The following PRR5 variants were observed in gnomAD, a reference collection of about 807,000 sequenced individuals.
The protein encoded by PRR5 is proline rich 5.
In PRR5, 25 loss-of-function variants were observed where a neutral mutation model predicts 30.6. That is an observed-to-expected ratio of 0.82 (90% CI 0.60 to 1.14). PRR5 has a LOEUF of 1.14. Among genes scored for constraint, PRR5 ranks in the 50% most tolerant of loss-of-function variants. The pLI, the probability that PRR5 is intolerant of heterozygous loss-of-function variation, is 0.00. For missense variants in PRR5, 600 were observed against 547.1 expected (o/e 1.10, Z -0.96); for synonymous variants, 286 against 247.1 (o/e 1.16, Z -1.48).
chr22:44,736,091 C>T (rs1185625026), intron 7 of PRR5, among the ~76,000 whole-genome samples: 2 of 152,228 alleles, frequency 1.3e-5, no homozygotes, highest in African/African-American at 4.8e-5. Flanking sequence ...CCCAACCAGC[C>T]TTGGCCACCT....
chr22:44,674,771 C>T (rs1359409503), upstream of PRR5, among the ~76,000 whole-genome samples: 1 of 151,714 alleles, frequency 6.6e-6, no homozygotes, highest in East Asian at 1.9e-4. Context: ...ATGGTGAAAC[C>T]TAGTCTCTAC....
intron 1 of PRR5, among the ~76,000 whole-genome samples, chr22:44,704,538 C>T (rs907158242): frequency 2.0e-5 from 3 of 152,020 alleles, no homozygotes; most frequent in African/African-American, 2.4e-5. Context: ...CCCCTCCCCG[C>T]GGCACCTGCA....
intron 1 of PRR5, among the ~76,000 whole-genome samples, chr22:44,709,441 C>T (rs1927798174): frequency 6.6e-6 from 1 of 152,070 alleles, no homozygotes; most frequent in Non-Finnish European, 1.5e-5. Context: ...GGCCCCAAGC[C>T]AAAGAATGTG....
intron 4 of PRR5, chr22:44,730,230 G>A (rs911536406): frequency 1.0e-6 from 1 of 985,216 alleles, no homozygotes; most frequent in African/African-American, 1.7e-5. Context: ...CATTCCCATG[G>A]AAACCTCAAA....
chr22:44,736,751 A>G (rs1161413008), intron 7 of PRR5, 21 bp from the exon 8 acceptor site: 6 of 1,528,500 alleles, frequency 3.9e-6, no homozygotes, highest in Middle Eastern at 2.5e-4. Flanking sequence ...CTGGTGTGAC[A>G]GTGCCCGTGT....
At chr22:44,734,931 G>GACACACA in intron 6 of PRR5, 96 bp from the exon 7 acceptor site, 1 of 1,447,830 alleles carries the variant, frequency 6.9e-7, no homozygotes, top group East Asian at 2.3e-5. Context: ...GGGAGGCAGA[G>GACACACA]GACAGGCTGT....
In PRR5 at chr22:44,726,652, G is replaced by A. The variant is rs774617879; in HGVS notation, c.322+18G>A. On this transcript the variant is annotated intron_variant, in intron 4 of 7. Coordinates refer to ENST00000336985, the MANE Select transcript of PRR5 (RefSeq NM_181333.4). The stretch of plus-strand genomic sequence containing the variant: ...CTATGAGGGTGAGTGTGGGCCCCTT[G>A]GCGGCCACTCTGGGCCATGCTGGGT... The A allele has an allele frequency of 1.2e-6, 2 of 1,613,844 alleles. No individual in the cohort carries two copies. The highest frequency in any genetic ancestry group is 1.7e-5 in the Admixed American group (1 of 60,008).
In PRR5 at chr22:44,730,339, C is replaced by G. The variant is rs1921719780; in HGVS notation, c.323-1391C>G. 5.1e-6 allele frequency: 5 copies of G among 985,188 alleles called. No individual in the cohort carries two copies. The African/African-American group carries it at 8.7e-5, about 17-fold the overall frequency. 61.0% of individuals were successfully genotyped at this position (985,188 alleles called of 1,614,324 possible). A position where few individuals can be genotyped will look rare whatever the true frequency, so the allele number is the denominator to read the frequency against. On this transcript the variant is annotated intron_variant, in intron 4 of 7. Transcript: ENST00000336985. ...AAGATCTCTCTCGCCAGTTGTTCGTCTGGCTTCCAGGGGACAGCAGAGGCC... is the reference window on the plus strand; with the variant it reads ...AAGATCTCTCTCGCCAGTTGTTCGTGTGGCTTCCAGGGGACAGCAGAGGCC...
chr22:44,697,554 G>A (rs1569076150), upstream of PRR5, among the ~76,000 whole-genome samples: 1 of 152,340 alleles, frequency 6.6e-6, no homozygotes, highest in East Asian at 1.9e-4. Flanking sequence ...AGGCACTTTT[G>A]GGTCGGCTTT....
intron 2 of PRR5, among the ~76,000 whole-genome samples, chr22:44,719,833 G>A (rs1320610316): frequency 3.9e-5 from 6 of 152,204 alleles, no homozygotes; most frequent in African/African-American, 1.2e-4. Flanking sequence ...CCCAACTCCA[G>A]CACCAAGTCC....
At chr22:44,736,135 G>T (rs1450553922) in intron 7 of PRR5, among the ~76,000 whole-genome samples, 1 of 152,180 alleles carries the variant, frequency 6.6e-6, no homozygotes. Flanking sequence ...GAACCAAGGG[G>T]CCTCCTCCCT....
chr22:44,735,906 A>T (rs768505855), intron 7 of PRR5, among the ~76,000 whole-genome samples: 1 of 152,114 alleles, frequency 6.6e-6, no homozygotes, highest in Non-Finnish European at 1.5e-5. Flanking sequence ...CTGCTGGAGA[A>T]CTTTGAGCCA....
intron 7 of PRR5, among the ~76,000 whole-genome samples, chr22:44,736,270 C>T (rs1236426287): frequency 1.3e-5 from 2 of 152,236 alleles, no homozygotes; most frequent in East Asian, 3.9e-4. Flanking sequence ...CCGCCTTGAC[C>T]TTACATGGAG....
chr22:44,703,263 G>A (rs1172144405), intron 1 of PRR5, among the ~76,000 whole-genome samples: 1 of 151,326 alleles, frequency 6.6e-6, no homozygotes, highest in Non-Finnish European at 1.5e-5. Context: ...CAGCGTCTCT[G>A]CTCCCTAGGA....
intron 2 of PRR5, among the ~76,000 whole-genome samples, chr22:44,716,030 A>G (rs1003808084): frequency 1.1e-4 from 16 of 152,220 alleles, no homozygotes; most frequent in African/African-American, 3.6e-4. Flanking sequence ...AGCTTTGGAC[A>G]TCCTTCTCCC....
intron 1 of PRR5, among the ~76,000 whole-genome samples, chr22:44,710,293 C>A (rs76736572): frequency 7.9e-5 from 12 of 152,154 alleles, no homozygotes; most frequent in South Asian, 2.1e-4. Context: ...GCACCCCCCC[C>A]CCAGCGCTCA....
Position 44,702,257 on chromosome 22 carries a change from A to G in PRR5, c.-218A>G, listed in dbSNP as rs1340658095. On this transcript the variant is annotated 5_prime_UTR_variant, in exon 1 of 8. Coordinates refer to ENST00000336985, the MANE Select transcript of PRR5 (RefSeq NM_181333.4). ...GCCGCGCGCCTGGCGCTCCACGCTG[A>G]GCCTCTCCGTGCAATGATTAACCCG... 2.6e-6 allele frequency: 3 copies of G among 1,137,774 alleles called. No individual in the cohort carries two copies. The highest frequency in any genetic ancestry group is 9.7e-5 in the Admixed American group (2 of 20,700). The allele number at this position is 1,137,774 out of a possible 1,614,324, so 70.5% of individuals were successfully genotyped here. A position where few individuals can be genotyped will look rare whatever the true frequency, so the allele number is the denominator to read the frequency against.
chr22:44,698,848 TC>T (rs920691836), upstream of PRR5, among the ~76,000 whole-genome samples: 4 of 152,186 alleles, frequency 2.6e-5, no homozygotes, highest in African/African-American at 9.7e-5. Context: ...CCGCCCTTTG[TC>T]CCCCAGTTGC....
upstream of PRR5, among the ~76,000 whole-genome samples, chr22:44,699,431 G>A (rs1465910604): frequency 2.0e-5 from 3 of 152,222 alleles, no homozygotes; most frequent in Non-Finnish European, 2.9e-5. Context: ...GATCCCTGGC[G>A]GTTCTGCTTT....
Sources: allele counts gnomAD v4.1 joint callset (sites outside exome capture counted in the v4.1 genomes callset), GRCh38; gene constraint gnomAD v4.1.1; transcripts MANE v1.5; gene names NCBI Gene and HGNC (gene_info 2026-07-23, HGNC 2026-07-21).